Variants in SLC39A10 observed in about 807,000 individuals in gnomAD.
SLC39A10 encodes solute carrier family 39 member 10, also known as zinc transporter ZIP10.
Under a neutral mutation model 65.1 loss-of-function variants are expected in SLC39A10, and 13 were observed. The ratio of observed to expected loss-of-function variants is 0.20; its 90% confidence interval spans 0.13 to 0.32. The LOEUF (loss-of-function observed/expected upper bound fraction) is 0.32. Among genes scored for constraint, SLC39A10 ranks in the 10% least tolerant of loss-of-function variants. The pLI is 1.00. For synonymous variants in SLC39A10, 321 were observed against 342.2 expected, an observed-to-expected ratio of 0.94 and a Z score of 0.68; for missense variants, 831 against 1,018.4, an observed-to-expected ratio of 0.82 and a Z score of 2.50.
intron 3 of SLC39A10, among the ~76,000 whole-genome samples, chr2:195,698,152 A>G (rs543520117): frequency 7.2e-4 from 109 of 152,204 alleles, no homozygotes; most frequent in Non-Finnish European, 1.2e-3. Flanking sequence ...TATTTTAAGA[A>G]AAGTGAGAGT....
chr2:195,713,760 C>T (rs1238345446), intron 6 of SLC39A10, among the ~76,000 whole-genome samples: 2 of 152,010 alleles, frequency 1.3e-5, no homozygotes, highest in African/African-American at 4.8e-5. Flanking sequence ...GCAAAGCCAA[C>T]TTGGGATAGG....
rs79770450 is a variant in SLC39A10, at chr2:195,628,872, T to C, written c.-12+22639T>C. Among the ~76,000 whole-genome samples the C allele has an allele frequency of 0.018, 2,813 of 152,316 alleles. 236 individuals carry two copies. In the East Asian group the frequency reaches 0.26, roughly 14 times the overall value. On this transcript the variant is annotated intron_variant, in intron 2 of 2. Coordinates refer to the SLC39A10 transcript ENST00000458054. ...ATCTAAAATGCTGACAATTCCAAAA[T>C]GTATTATCTGATTCAGACTTCTCTT...
intron 2 of SLC39A10, among the ~76,000 whole-genome samples, chr2:195,624,752 G>C (rs1688427279): frequency 6.6e-6 from 1 of 151,634 alleles, no homozygotes; most frequent in Non-Finnish European, 1.5e-5. Flanking sequence ...GATGGCGGGC[G>C]CCTGTAATCC....
intron 1 of SLC39A10, among the ~76,000 whole-genome samples, chr2:195,675,432 G>A (rs899488244): frequency 6.6e-6 from 1 of 152,112 alleles, no homozygotes; most frequent in Non-Finnish European, 1.5e-5. Context: ...TTACAATATT[G>A]TAATAAGGAT....
At chr2:195,664,330 G>C (rs1447279066) in intron 1 of SLC39A10, among the ~76,000 whole-genome samples, 1 of 151,698 alleles carries the variant, frequency 6.6e-6, no homozygotes, top group East Asian at 1.9e-4. Context: ...AGGGGTTTTA[G>C]TTTTTTAGGA....
At chr2:195,629,204 C>T (rs146312101) in intron 2 of SLC39A10, among the ~76,000 whole-genome samples, 37 of 152,046 alleles carry the variant, frequency 2.4e-4, no homozygotes, top group African/African-American at 6.5e-4. Context: ...CTGGTTAACA[C>T]GGTGAAACCC....
At chr2:195,668,259 T>C (rs1401119407) in intron 1 of SLC39A10, among the ~76,000 whole-genome samples, 3 of 152,256 alleles carry the variant, frequency 2.0e-5, no homozygotes, top group Non-Finnish European at 4.4e-5. Flanking sequence ...GTTTATATGA[T>C]TGAGGCTATA....
Position 195,681,117 on chromosome 2 carries a change from C to G in SLC39A10, c.1008+67C>G, listed in dbSNP as rs549768932. 2.0e-5 allele frequency: 29 copies of G among 1,457,380 alleles called. No homozygotes were observed. The African/African-American group carries it at 4.1e-4, about 21-fold the overall frequency. 90.3% of individuals were successfully genotyped at this position (1,457,380 alleles called of 1,614,324 possible). On this transcript the variant is annotated intron_variant, in intron 2 of 9. Coordinates refer to ENST00000359634, the MANE Select transcript of SLC39A10 (RefSeq NM_020342.3). ...ACATAATTGTGGTGCATTTTAAAAACAGGATAAGTAACAGTGGAGTATTAA... is the reference window on the plus strand; with the variant it reads ...ACATAATTGTGGTGCATTTTAAAAAGAGGATAAGTAACAGTGGAGTATTAA...
chr2:195,635,479 G>A (rs906443664), intron 2 of SLC39A10, among the ~76,000 whole-genome samples: 2 of 152,226 alleles, frequency 1.3e-5, no homozygotes, highest in Non-Finnish European at 2.9e-5. Flanking sequence ...CATTGATGGT[G>A]CAGAAGCAGC....
chr2:195,685,662 C>T (rs1181990205), intron 3 of SLC39A10, among the ~76,000 whole-genome samples: 1 of 152,078 alleles, frequency 6.6e-6, no homozygotes, highest in African/African-American at 2.4e-5. Context: ...AAGTATTGGC[C>T]CTTCTGGGTA....
At chr2:195,689,403 C>T (rs759247857) in intron 3 of SLC39A10, among the ~76,000 whole-genome samples, 1 of 151,606 alleles carries the variant, frequency 6.6e-6, no homozygotes, top group African/African-American at 2.4e-5. Context: ...ACCTGGATAA[C>T]GAAGTGAGAA....
At chr2:195,686,643 C>T (rs1183764289) in intron 3 of SLC39A10, among the ~76,000 whole-genome samples, 3 of 152,230 alleles carry the variant, frequency 2.0e-5, no homozygotes, top group Middle Eastern at 6.8e-3. Context: ...TTTATTAAAC[C>T]CACTATACAG....
chr2:195,662,416 G>C (rs568924310), intron 1 of SLC39A10, among the ~76,000 whole-genome samples: 20 of 151,740 alleles, frequency 1.3e-4, no homozygotes, highest in African/African-American at 4.8e-4. Flanking sequence ...ATACGGGAGC[G>C]TGTGCCACCA....
rs567429076 is a variant in SLC39A10 at position 195,705,892 on chromosome 2, C to T, written c.1217-724C>T. Among the ~76,000 whole-genome samples, 27 of 152,224 alleles carry T rather than the reference C, an allele frequency of 1.8e-4. 2 individuals are homozygous for T. In the South Asian group the frequency reaches 5.6e-3, roughly 32 times the overall value. On this transcript the variant is annotated intron_variant, in intron 3 of 9. Transcript: ENST00000359634. ...GACATGTATACAGAATTCCCCTTCCCCACCATACCTATTTTTCTTTAAGTC... is the reference window on the plus strand; with the variant it reads ...GACATGTATACAGAATTCCCCTTCCTCACCATACCTATTTTTCTTTAAGTC...
intron 1 of SLC39A10, among the ~76,000 whole-genome samples, chr2:195,659,323 A>G (rs193120647): frequency 9.5e-4 from 145 of 152,320 alleles, no homozygotes; most frequent in African/African-American, 3.2e-3. Flanking sequence ...ACTGTTACCA[A>G]TTTAAATTCT....
chr2:195,733,305 T>C (rs1692485392), intron 9 of SLC39A10, among the ~76,000 whole-genome samples: 1 of 152,160 alleles, frequency 6.6e-6, no homozygotes, highest in Admixed American at 6.5e-5. Context: ...TTGAATTATG[T>C]TTGCAGAAAA....
intron 3 of SLC39A10, among the ~76,000 whole-genome samples, chr2:195,698,886 G>C (rs1171796217): frequency 6.6e-6 from 1 of 151,816 alleles, no homozygotes; most frequent in Non-Finnish European, 1.5e-5. Flanking sequence ...GAGAAGGATT[G>C]GTATTAGTTC....
chr2:195,703,003 A>G (rs1314126690), intron 3 of SLC39A10, among the ~76,000 whole-genome samples: 1 of 152,194 alleles, frequency 6.6e-6, no homozygotes, highest in African/African-American at 2.4e-5. Context: ...AGTTGGGAAA[A>G]TGCTGCATAT....
At chr2:195,616,607 G>A in intron 2 of SLC39A10, among the ~76,000 whole-genome samples, 1 of 151,268 alleles carries the variant, frequency 6.6e-6, no homozygotes, top group Non-Finnish European at 1.5e-5. Flanking sequence ...GCCTGGCCTG[G>A]ATTTATCTTG....
Sources: allele counts gnomAD v4.1 joint callset (sites outside exome capture counted in the v4.1 genomes callset), GRCh38; gene constraint gnomAD v4.1.1; transcripts MANE v1.5; gene names NCBI Gene and HGNC (gene_info 2026-07-23, HGNC 2026-07-21).